The following DNAJC3 variants were observed in gnomAD, a reference collection of about 807,000 sequenced individuals.
DNAJC3 encodes the protein DnaJ heat shock protein family (Hsp40) member C3.
Under a neutral mutation model 68.6 loss-of-function variants are expected in DNAJC3, and 38 were observed. The ratio of observed to expected loss-of-function variants is 0.55; its 90% confidence interval spans 0.43 to 0.73. DNAJC3 has a LOEUF of 0.73. Among genes scored for constraint, DNAJC3 ranks in the 30% least tolerant of loss-of-function variants. The pLI is 0.00. For synonymous variants in DNAJC3, 203 were observed against 204.0 expected, an observed-to-expected ratio of 1.00 and a Z score of 0.04; for missense variants, 526 against 591.9, an observed-to-expected ratio of 0.89 and a Z score of 1.16.
In DNAJC3 at chr13:95,699,317, T is replaced by G. The variant is rs560582834; in HGVS notation, c.83-9910T>G. ...GTTTTATTCTGGAAAGAAGAAATGC[T>G]GGATACTCATTTTATCCTAGAAGGC... On this transcript the variant is annotated intron_variant, in intron 1 of 11. Transcript: ENST00000602402. 1.4e-4 allele frequency among the ~76,000 whole-genome samples: 21 copies of G among 152,352 alleles called. No homozygotes were observed. The South Asian group carries it at 4.1e-3, about 30-fold the overall frequency.
At chr13:95,759,357 A>G (rs530018479) in intron 5 of DNAJC3, among the ~76,000 whole-genome samples, 1 of 152,150 alleles carries the variant, frequency 6.6e-6, no homozygotes, top group African/African-American at 2.4e-5. Flanking sequence ...TGTTACCTAG[A>G]CTGGAGTGCA....
intron 4 of DNAJC3, among the ~76,000 whole-genome samples, chr13:95,731,314 A>G (rs1228540276): frequency 6.6e-6 from 1 of 152,166 alleles, no homozygotes; most frequent in Non-Finnish European, 1.5e-5. Flanking sequence ...TGGTCTGCCT[A>G]GGAATCCCAG....
chr13:95,727,838 T>C (rs1881580189), intron 4 of DNAJC3, among the ~76,000 whole-genome samples: 1 of 152,222 alleles, frequency 6.6e-6, no homozygotes. Flanking sequence ...AGACACTGAC[T>C]TGGTATTCTG....
intron 7 of DNAJC3, among the ~76,000 whole-genome samples, chr13:95,763,049 A>C (rs929588626): frequency 6.6e-6 from 1 of 152,200 alleles, no homozygotes; most frequent in African/African-American, 2.4e-5. Flanking sequence ...ACTATTGTTG[A>C]GGGAAATAAC....
chr13:95,736,673 A>G (rs1200926427), intron 4 of DNAJC3, among the ~76,000 whole-genome samples: 1 of 151,178 alleles, frequency 6.6e-6, no homozygotes, highest in East Asian at 1.9e-4. Flanking sequence ...TTGATTTTGT[A>G]TCCTGAGACT....
At chr13:95,773,109 A>ATTT in intron 9 of DNAJC3, among the ~76,000 whole-genome samples, 1 of 63,002 alleles carries the variant, frequency 1.6e-5, no homozygotes. Context: ...TTGGTTTTTG[A>ATTT]TTTTTTTTTT....
At position 95,794,588 on chromosome 13, in the gene DNAJC3, G is replaced by A. The variant is rs570481504; in HGVS notation, c.*3558G>A. On this transcript the variant is annotated 3_prime_UTR_variant, in exon 12 of 12. Transcript: ENST00000602402. ...AGTTTATCCTGTAATTTCAAATGAC[G>A]TTAAGAGGTGGGATTATTTGGGGGT... 2.7e-4 allele frequency: 41 copies of A among 152,310 alleles called. No homozygotes were observed. The highest frequency in any genetic ancestry group is 8.9e-4 in the African/African-American group (37 of 41,574). The allele number at this position is 152,310 out of a possible 1,614,324, so 9.4% of individuals were successfully genotyped here. A position where few individuals can be genotyped will look rare whatever the true frequency, so the allele number is the denominator to read the frequency against.
chr13:95,760,001 T>C, intron 5 of DNAJC3, 39 bp from the exon 6 acceptor site: 1 of 1,513,638 alleles, frequency 6.6e-7, no homozygotes, highest in Non-Finnish European at 8.8e-7. Context: ...ATGTGCATAA[T>C]TTATTCTTTC....
At chr13:95,727,544 T>A (rs1013274656) in intron 4 of DNAJC3, among the ~76,000 whole-genome samples, 2 of 152,208 alleles carry the variant, frequency 1.3e-5, no homozygotes, top group Non-Finnish European at 2.9e-5. Context: ...TTAATTGAAC[T>A]TTTTACTGAG....
Position 95,780,223 on chromosome 13 carries a change from T to C in DNAJC3, c.1076-5716T>C, listed in dbSNP as rs377443538. Reference sequence around the variant, plus strand: ...CCCACTTGCCCCTGTACCCCATTCCTTTGCTACACCAAAGGGGTGTGTGTT... The same window carrying C: ...CCCACTTGCCCCTGTACCCCATTCCCTTGCTACACCAAAGGGGTGTGTGTT... On this transcript the variant is annotated intron_variant, in intron 9 of 11. Coordinates refer to ENST00000602402, the MANE Select transcript of DNAJC3 (RefSeq NM_006260.5). Among the ~76,000 whole-genome samples, 37 of 152,274 alleles carry C rather than the reference T, an allele frequency of 2.4e-4. No homozygotes were observed. The South Asian group carries it at 7.3e-3, about 30-fold the overall frequency.
chr13:95,698,850 G>T (rs1224881809), intron 1 of DNAJC3, among the ~76,000 whole-genome samples: 1 of 152,234 alleles, frequency 6.6e-6, no homozygotes, highest in Non-Finnish European at 1.5e-5. Context: ...GTAAGAGGTA[G>T]AGGAATGATG....
At position 95,760,031 on chromosome 13, in the gene DNAJC3, T is replaced by A; in HGVS notation, c.547-9T>A. ...TCTTTCTTAAAGTCTAGTTCTTTTG[T>A]TCCTCAAGGTTTGTGTTTGGGATGC... is the stretch of plus-strand genomic sequence containing the variant. On this transcript the variant is annotated splice_polypyrimidine_tract_variant and intron_variant, in intron 5 of 11. Transcript: ENST00000602402. The A allele has an allele frequency of 6.4e-7, 1 of 1,563,790 alleles. No homozygotes were observed. The highest frequency in any genetic ancestry group is 1.2e-5 in the South Asian group (1 of 82,738).
chr13:95,712,497 C>T (rs1881003947), intron 2 of DNAJC3, among the ~76,000 whole-genome samples: 1 of 151,998 alleles, frequency 6.6e-6, no homozygotes, highest in African/African-American at 2.4e-5. Context: ...CTGCCTCAGC[C>T]TCCCAAGTAG....
intron 4 of DNAJC3, among the ~76,000 whole-genome samples, chr13:95,747,229 T>C (rs1882331477): frequency 6.6e-6 from 1 of 152,156 alleles, no homozygotes; most frequent in Non-Finnish European, 1.5e-5. Flanking sequence ...TTCCAAGAAA[T>C]GATACTAGAG....
intron 9 of DNAJC3, among the ~76,000 whole-genome samples, chr13:95,778,808 T>C (rs1883355927): frequency 1.3e-5 from 2 of 152,226 alleles, no homozygotes; most frequent in Admixed American, 1.3e-4. Context: ...TTGTGAAATT[T>C]TGTTCTGCCA....
intron 1 of DNAJC3, among the ~76,000 whole-genome samples, chr13:95,691,415 C>T (rs561051754): frequency 6.7e-5 from 10 of 149,704 alleles, no homozygotes; most frequent in Admixed American, 4.6e-4. Flanking sequence ...ACATCCCGGA[C>T]GGGGCGGCAG....
intron 1 of DNAJC3, among the ~76,000 whole-genome samples, chr13:95,680,389 A>G: frequency 6.6e-6 from 1 of 152,282 alleles, no homozygotes; most frequent in East Asian, 1.9e-4. Context: ...GATAAGTTTT[A>G]TTTGAACCAT....
At chr13:95,677,542 C>T (rs888551229) in intron 1 of DNAJC3, among the ~76,000 whole-genome samples, 5 of 152,116 alleles carry the variant, frequency 3.3e-5, no homozygotes, top group Non-Finnish European at 7.4e-5. Context: ...GGCCGCGGGG[C>T]CGGGACAGCG....
chr13:95,747,407 C>T (rs1227974878), intron 4 of DNAJC3, among the ~76,000 whole-genome samples: 1 of 152,016 alleles, frequency 6.6e-6, no homozygotes, highest in African/African-American at 2.4e-5. Flanking sequence ...AGGATGCATC[C>T]GTGTAAGCAA....
Sources: gnomAD v4.1 joint callset for allele counts (sites outside exome capture counted in the v4.1 genomes callset) on GRCh38, gnomAD v4.1.1 for gene constraint, MANE v1.5 for transcripts, NCBI Gene and HGNC (gene_info 2026-07-23, HGNC 2026-07-21) for gene names.